Variants in POTEE observed in about 807,000 individuals in gnomAD.
The protein encoded by POTEE is ANKRD26-like family C member 1A.
POTEE carries 21 observed loss-of-function variants against 74.2 expected under a neutral mutation model. The ratio of observed to expected loss-of-function variants is 0.28; its 90% CI spans 0.20 to 0.41. The LOEUF (loss-of-function observed/expected upper bound fraction) is 0.41. POTEE is among the 10% of genes least tolerant of loss of function. POTEE has a pLI of 1.00. For synonymous variants in POTEE, 211 were observed against 432.8 expected (o/e 0.49, Z 6.36); for missense variants, 525 against 1,158.6 (o/e 0.45, Z 7.94).
intron 4 of POTEE, among the ~76,000 whole-genome samples, chr2:131,222,589 A>T (rs1700656619): frequency 6.6e-6 from 1 of 152,134 alleles, no homozygotes; most frequent in Non-Finnish European, 1.5e-5. Context: ...AAAGCTCCAC[A>T]AATCGTTTCA....
intron 16 of POTEE, among the ~76,000 whole-genome samples, chr2:131,258,607 T>A (rs1701626151): frequency 6.6e-6 from 1 of 152,176 alleles, no homozygotes; most frequent in African/African-American, 2.4e-5. Context: ...AACAATTTTC[T>A]GCTGGCAAAT....
intron 4 of POTEE, among the ~76,000 whole-genome samples, chr2:131,221,751 G>A (rs1184207067): frequency 2.0e-5 from 3 of 152,136 alleles, no homozygotes; most frequent in Non-Finnish European, 2.9e-5. Flanking sequence ...TAAAAAGTAT[G>A]AATTAATCAT....
At chr2:131,225,549 C>T (rs1700756166) in intron 6 of POTEE, among the ~76,000 whole-genome samples, 2 of 133,870 alleles carry the variant, frequency 1.5e-5, no homozygotes, top group African/African-American at 5.0e-5. Flanking sequence ...TTAAATCTTT[C>T]CAATAACATT....
chr2:131,263,964 C>T lies in POTEE; in HGVS notation c.2509C>T (p.Gln837Ter), dbSNP rs1241839394. 5.0e-6 allele frequency: 8 copies of T among 1,614,080 alleles called. No homozygotes were observed. The Middle Eastern group carries it at 4.9e-4, about 99-fold the overall frequency. ...FNTPAMYVAI[Q>*]AVPSLYTSGR... is the part of the protein sequence containing the mutation. Reference sequence around the variant, plus strand: ...CACCCCAGCCATGTACGTGGCCATCCAGGCCGTGCCGTCCCTGTACACCTC... The same window carrying T: ...CACCCCAGCCATGTACGTGGCCATCTAGGCCGTGCCGTCCCTGTACACCTC... Residue 837 changes from glutamine (Q) to a stop codon, truncating the protein, a stop_gained, in exon 18 of 18, where the codon CAG (glutamine) becomes TAG (stop). Coordinates refer to ENST00000683005, the MANE Select transcript of POTEE (RefSeq NM_001083538.3). LOFTEE classifies it high-confidence loss of function.
intron 17 of POTEE, among the ~76,000 whole-genome samples, chr2:131,262,176 T>TAA (rs1281415852): frequency 8.6e-6 from 1 of 116,682 alleles, no homozygotes; most frequent in African/African-American, 2.6e-5. Flanking sequence ...ATTAGTTTTT[T>TAA]AAAAAATGTT....
chr2:131,251,279 A>T (rs1439786230), intron 14 of POTEE, among the ~76,000 whole-genome samples: 4,161 of 33,440 alleles, frequency 0.12, 1,118 homozygotes, highest in African/African-American at 0.24. Flanking sequence ...AAAAAAAAAA[A>T]ATTTTAATAG....
intron 7 of POTEE, 86 bp from the exon 8 acceptor site, chr2:131,228,158 C>T (rs561533835): frequency 8.6e-4 from 1,288 of 1,490,448 alleles, no homozygotes; most frequent in Non-Finnish European, 1.8e-4. Flanking sequence ...TGATTCTGCA[C>T]AGACAGGCAA....
At chr2:131,225,326 T>C (rs1314405013) in intron 6 of POTEE, among the ~76,000 whole-genome samples, 8 of 152,120 alleles carry the variant, frequency 5.3e-5, no homozygotes, top group Admixed American at 3.3e-4. Flanking sequence ...GGAGGATTGC[T>C]TGAGCTCAGG....
At chr2:131,225,567 C>CTT (rs376693812) in intron 6 of POTEE, among the ~76,000 whole-genome samples, 2 of 120,196 alleles carry the variant, frequency 1.7e-5, no homozygotes, top group African/African-American at 6.0e-5. Flanking sequence ...ATTAATCTGA[C>CTT]TTTTTTTTTT....
chr2:131,224,850 A>G (rs1314689773), intron 6 of POTEE, among the ~76,000 whole-genome samples: 1 of 152,030 alleles, frequency 6.6e-6, no homozygotes, highest in Non-Finnish European at 1.5e-5. Context: ...CTGACTTAGT[A>G]TCCTATTCTG....
rs373046417 is a variant in POTEE at position 131,263,873 on chromosome 2, C to G, written c.2418C>G (p.Thr806=). ...VAPEEHPILL[T]EAPLNPKANR... ...CCGAGGAGCACCCCATCCTGCTGACCGAGGCCCCCCTGAACCCCAAGGCCA... is the reference window on the plus strand; with the variant it reads ...CCGAGGAGCACCCCATCCTGCTGACGGAGGCCCCCCTGAACCCCAAGGCCA... Residue 806 remains threonine, a synonymous_variant, in exon 18 of 18, where the codon ACC becomes ACG. Coordinates refer to ENST00000683005, the MANE Select transcript of POTEE (RefSeq NM_001083538.3). The G allele has an allele frequency of 6.8e-6, 11 of 1,614,048 alleles. No homozygotes were observed. Among genetic ancestry groups the G allele is most frequent in the Admixed American group, 6.7e-5 (4 of 60,010 alleles).
In POTEE at chr2:131,230,686, G is replaced by A. The variant is rs923610397; in HGVS notation, c.1056-150G>A. 8 of 691,592 alleles carry A rather than the reference G, an allele frequency of 1.2e-5. No individual in the cohort carries two copies. In the African/African-American group the frequency reaches 1.2e-4, roughly 11 times the overall value. 42.8% of individuals were successfully genotyped at this position (691,592 alleles called of 1,614,324 possible). ...TAATTAGAAGCTTAAAGAGAAGTTT[G>A]TAGAATGTATTCATAAGTGGATGGG... On this transcript the variant is annotated intron_variant, in intron 8 of 17. Transcript: ENST00000683005.
intron 16 of POTEE, among the ~76,000 whole-genome samples, chr2:131,260,287 G>C (rs1401756874): frequency 6.7e-6 from 1 of 149,606 alleles, no homozygotes; most frequent in East Asian, 1.9e-4. Context: ...TGATATGTCT[G>C]TTGCTGTTCA....
chr2:131,215,461 T>C (rs927719804), intron 2 of POTEE, among the ~76,000 whole-genome samples: 2 of 151,964 alleles, frequency 1.3e-5, no homozygotes, highest in Non-Finnish European at 2.9e-5. Flanking sequence ...TACAAATTTT[T>C]ACTAGATTTT....
chr2:131,231,891 A>C (rs58078337), intron 9 of POTEE, among the ~76,000 whole-genome samples: 9 of 151,826 alleles, frequency 5.9e-5, no homozygotes, highest in African/African-American at 1.5e-4. Context: ...CCATCTATTT[A>C]TCAAAGAGCT....
chr2:131,246,049 T>TA (rs1701348288), intron 13 of POTEE, among the ~76,000 whole-genome samples: 1 of 139,470 alleles, frequency 7.2e-6, no homozygotes, highest in African/African-American at 2.6e-5. Context: ...TGGGAGGTCC[T>TA]ACCATAGATT....
At chr2:131,234,945 T>C (rs1335035479) in intron 9 of POTEE, among the ~76,000 whole-genome samples, 1 of 99,518 alleles carries the variant, frequency 1.0e-5, no homozygotes, top group Non-Finnish European at 2.0e-5. Context: ...AAATTACACA[T>C]AAGGCTTTCA....
chr2:131,213,122 G>A (rs1168587838), intron 2 of POTEE, among the ~76,000 whole-genome samples: 19 of 151,930 alleles, frequency 1.3e-4, no homozygotes, highest in African/African-American at 4.8e-5. Flanking sequence ...CACCACGCCC[G>A]GCTAATTTTT....
chr2:131,216,035 C>T (rs1453812932), intron 2 of POTEE, among the ~76,000 whole-genome samples: 2 of 152,098 alleles, frequency 1.3e-5, no homozygotes, highest in Non-Finnish European at 2.9e-5. Context: ...GGTTTCCATA[C>T]ACCAATGACA....
Sources: allele counts gnomAD v4.1 joint callset (sites outside exome capture counted in the v4.1 genomes callset), GRCh38; gene constraint gnomAD v4.1.1; transcripts MANE v1.5; gene names NCBI Gene and HGNC (gene_info 2026-07-23, HGNC 2026-07-21).